Variants in DOCK1 observed in about 807,000 individuals in gnomAD.
The protein encoded by DOCK1 is dedicator of cytokinesis 1.
DOCK1 carries 138 observed loss-of-function variants against 262.7 expected under a neutral mutation model. That is an observed-to-expected ratio of 0.53 (90% CI 0.46 to 0.61). DOCK1 has a LOEUF of 0.61. DOCK1 is among the 20% of genes least tolerant of loss of function. The pLI is 0.00. For missense variants in DOCK1, 1,908 were observed against 2,370.7 expected (o/e 0.80, Z 4.05); for synonymous variants, 866 against 867.4 (o/e 1.00, Z 0.03).
chr10:127,430,361 G>A (rs2069197928), intron 47 of DOCK1, among the ~76,000 whole-genome samples: 1 of 152,206 alleles, frequency 6.6e-6, no homozygotes, highest in Admixed American at 6.6e-5. Context: ...ACTGGGAGGT[G>A]GAGCTGATAG....
At chr10:127,353,922 G>A (rs1051651711) in intron 31 of DOCK1, among the ~76,000 whole-genome samples, 1 of 152,182 alleles carries the variant, frequency 6.6e-6, no homozygotes, top group Non-Finnish European at 1.5e-5. Context: ...CTGACACGAG[G>A]ATGAGCAGAG....
At chr10:127,237,776 G>A (rs2059124388) in intron 27 of DOCK1, among the ~76,000 whole-genome samples, 1 of 152,054 alleles carries the variant, frequency 6.6e-6, no homozygotes, top group African/African-American at 2.4e-5. Flanking sequence ...GAATTCCCTG[G>A]CAGTCTGTAA....
At chr10:126,966,168 C>T (rs1258019031) in intron 1 of DOCK1, among the ~76,000 whole-genome samples, 1 of 152,180 alleles carries the variant, frequency 6.6e-6, no homozygotes, top group African/African-American at 2.4e-5. Context: ...CCAATTCCAT[C>T]CATGTTGTTG....
chr10:127,190,066 A>G (rs1177942396), intron 27 of DOCK1, among the ~76,000 whole-genome samples: 1 of 152,162 alleles, frequency 6.6e-6, no homozygotes, highest in Non-Finnish European at 1.5e-5. Context: ...TAAGAACATT[A>G]ATTTATCTGA....
intron 23 of DOCK1, among the ~76,000 whole-genome samples, chr10:127,083,259 T>A (rs191336233): frequency 6.6e-6 from 1 of 152,338 alleles, no homozygotes; most frequent in East Asian, 1.9e-4. Flanking sequence ...CAGTAAGTTA[T>A]TTTGAAAATG....
intron 1 of DOCK1, among the ~76,000 whole-genome samples, chr10:126,958,459 G>A (rs1350766374): frequency 6.6e-6 from 1 of 152,180 alleles, no homozygotes; most frequent in Non-Finnish European, 1.5e-5. Context: ...GACCAGAGCA[G>A]GGACTCTGTT....
rs1008459976 is a variant in DOCK1 at position 127,100,080 on chromosome 10, A to C, written c.2446-6151A>C. Among the ~76,000 whole-genome samples, 1 of 152,128 alleles carries C rather than the reference A, an allele frequency of 6.6e-6. No individual in the cohort carries two copies. Among genetic ancestry groups the C allele is most frequent in the Non-Finnish European group, 1.5e-5 (1 of 68,016 alleles). ...GTGGGGCCAGAGCCCATGGCCCTCC[A>C]TGGGTGTGGGATAGGTTCCCTGTGT... On this transcript the variant is annotated intron_variant, in intron 23 of 51. Transcript: ENST00000623213. The surrounding 1 kb of genome is among the most constrained non-coding windows in gnomAD (Gnocchi z 5.5).
rs1220744132 is a variant in DOCK1 at position 127,000,092 on chromosome 10, A to AT, written c.850-73dup. On this transcript the variant is annotated intron_variant, in intron 9 of 51. Transcript: ENST00000623213. ...ACTGGTCTGAGAAGAGTCTCAATCC[A>AT]TTTTTTTACTGTCCTTTTCATTGGA... is the stretch of plus-strand genomic sequence containing the variant. 5.2e-5 allele frequency: 80 copies of AT among 1,534,764 alleles called. 1 individual carries two copies. The Middle Eastern group carries it at 7.0e-4, about 13-fold the overall frequency.
At position 127,267,066 on chromosome 10, in the gene DOCK1, T is replaced by C. The variant is rs2060387905; in HGVS notation, c.3044+9637T>C. On this transcript the variant is annotated intron_variant, in intron 29 of 51. Coordinates refer to ENST00000623213, the MANE Select transcript of DOCK1 (RefSeq NM_001290223.2). ...GATCCAGTAATGATGCTCTGGACCC[T>C]CCAGCAGGAAAAGGACCCCACTGGG... Among the ~76,000 whole-genome samples, 3 of 152,192 alleles carry C rather than the reference T, an allele frequency of 2.0e-5. No homozygotes were observed. In the South Asian group the frequency reaches 6.2e-4, roughly 32 times the overall value.
intron 11 of DOCK1, among the ~76,000 whole-genome samples, chr10:127,011,498 C>T (rs1565061397): frequency 6.6e-6 from 1 of 152,198 alleles, no homozygotes; most frequent in African/African-American, 2.4e-5. Flanking sequence ...TTTTCTTGCT[C>T]ATTTCATAGT....
intron 27 of DOCK1, among the ~76,000 whole-genome samples, chr10:127,228,600 T>C (rs965147511): frequency 9.2e-5 from 14 of 152,250 alleles, no homozygotes; most frequent in Middle Eastern, 3.4e-3. Flanking sequence ...ATGGTGGAGC[T>C]CTGCAGGTGG....
intron 29 of DOCK1, among the ~76,000 whole-genome samples, chr10:127,338,170 AAT>A (rs1452472314): frequency 6.6e-6 from 1 of 152,176 alleles, no homozygotes; most frequent in Non-Finnish European, 1.5e-5. Context: ...ACCTAATACT[AAT>A]TCCTCTTACA....
intron 27 of DOCK1, among the ~76,000 whole-genome samples, chr10:127,132,209 CAGTT>C (rs1249388634): frequency 6.6e-6 from 1 of 152,168 alleles, no homozygotes; most frequent in Non-Finnish European, 1.5e-5. Flanking sequence ...ACTTTGCAGT[CAGTT>C]GTATATTGTT....
At chr10:126,949,070 C>T (rs990854630) in intron 1 of DOCK1, among the ~76,000 whole-genome samples, 58 of 152,290 alleles carry the variant, frequency 3.8e-4, no homozygotes, top group African/African-American at 1.4e-3. Flanking sequence ...CCTCCCCTTT[C>T]TGGGAGTGGT....
chr10:126,947,280 GAT>G (rs2035502300), intron 1 of DOCK1, among the ~76,000 whole-genome samples: 4 of 146,070 alleles, frequency 2.7e-5, no homozygotes, highest in Middle Eastern at 3.3e-3. Context: ...TGTTGGTGGT[GAT>G]GGTGGTGGTT....
In DOCK1 at chr10:126,950,004, A is replaced by T. The variant is rs1457018153; in HGVS notation, c.47-20698A>T. On this transcript the variant is annotated intron_variant, in intron 1 of 51. Transcript: ENST00000623213. ...TAGCCCCCCAAAGCAGGTTTCTCCC[A>T]CCTTCTAGACCTGCGTCTTTGAGGA... Among the ~76,000 whole-genome samples the T allele has an allele frequency of 7.9e-5, 12 of 151,722 alleles. No individual in the cohort carries two copies. In the East Asian group the frequency reaches 2.3e-3, roughly 29 times the overall value.
At chr10:127,153,990 G>A (rs2052772125) in intron 27 of DOCK1, 4 of 1,148,964 alleles carry the variant, frequency 3.5e-6, no homozygotes, top group Non-Finnish European at 4.0e-6. Context: ...TAGAGCAGAT[G>A]CCTCAAATCA....
chr10:127,367,386 C>G (rs1440670429), intron 33 of DOCK1, among the ~76,000 whole-genome samples: 1 of 152,168 alleles, frequency 6.6e-6, no homozygotes, highest in Non-Finnish European at 1.5e-5. Context: ...AATGGGCTCT[C>G]TTGGTGGCGG....
At chr10:127,069,934 A>G (rs1292128530) in intron 23 of DOCK1, among the ~76,000 whole-genome samples, 1 of 152,156 alleles carries the variant, frequency 6.6e-6, no homozygotes, top group Non-Finnish European at 1.5e-5. Flanking sequence ...TGGAGATTAG[A>G]AACTTGAAAT....
Sources: gnomAD v4.1 joint callset for allele counts (sites outside exome capture counted in the v4.1 genomes callset) on GRCh38, gnomAD v4.1.1 for gene constraint, Gnocchi (gnomAD v3.1) non-coding constraint, MANE v1.5 for transcripts, NCBI Gene and HGNC (gene_info 2026-07-23, HGNC 2026-07-21) for gene names.